The following PXDN variants were observed in gnomAD, a reference collection of about 807,000 sequenced individuals.
PXDN encodes peroxidasin homolog.
PXDN carries 77 observed loss-of-function variants against 140.3 expected under a neutral mutation model. The ratio of observed to expected loss-of-function variants is 0.55; its 90% CI spans 0.46 to 0.66. PXDN has a LOEUF of 0.66. Among genes scored for constraint, PXDN ranks in the 30% least tolerant of loss-of-function variants. PXDN has a pLI of 0.00. For synonymous variants in PXDN, 911 were observed against 857.4 expected, an observed-to-expected ratio of 1.06 and a Z score of -1.09; for missense variants, 1,838 against 2,039.5, an observed-to-expected ratio of 0.90 and a Z score of 1.90.
rs1228779459 is a variant in PXDN, at chr2:1,649,175, C to T, written c.2605G>A (p.Ala869Thr). Residue 869 changes from alanine to threonine, a missense_variant, in exon 17 of 23, where the codon GCC becomes ACC. Ala to Thr is a moderately conservative substitution (Grantham distance 58). This residue lies in a region of PXDN where 850 missense variants were observed against 894.1 expected (regional missense o/e 0.95). Coordinates refer to ENST00000252804, the MANE Select transcript of PXDN (RefSeq NM_012293.3). This position sits in a 1 kb window ranked among gnomAD's most constrained non-coding sequence, Gnocchi z 7.1. ...AACATGCAGCGGGCCCCGCTCCTGG[C>T]CCGGGAGTCATTGGGGGGGATCATG... ...SVMIPPNDSR[A>T]RSGARCMFFV... 1 of 1,611,986 alleles carries T rather than the reference C, an allele frequency of 6.2e-7. No homozygotes were observed. The highest frequency in any genetic ancestry group is 1.3e-5 in the African/African-American group (1 of 74,864).
intron 3 of PXDN, among the ~76,000 whole-genome samples, chr2:1,691,154 A>C (rs1469563074): frequency 6.6e-6 from 1 of 152,262 alleles, no homozygotes; most frequent in Non-Finnish European, 1.5e-5. Flanking sequence ...CATATGATAA[A>C]AATTTCCAAC....
At chr2:1,719,524 C>A (rs1266865231) in intron 1 of PXDN, among the ~76,000 whole-genome samples, 1 of 152,232 alleles carries the variant, frequency 6.6e-6, no homozygotes, top group Non-Finnish European at 1.5e-5. Context: ...CTCCCTAGCA[C>A]CCCTGTGCCT....
intron 1 of PXDN, among the ~76,000 whole-genome samples, chr2:1,701,866 C>T (rs376419814): frequency 3.3e-5 from 5 of 152,264 alleles, no homozygotes; most frequent in African/African-American, 1.2e-4. Context: ...GTCCTGTCCA[C>T]AATGTGAGAG....
chr2:1,648,074 CA>C lies in PXDN; in HGVS notation c.3608+97del. 7 of 1,477,242 alleles carry C rather than the reference CA, an allele frequency of 4.7e-6. No individual in the cohort carries two copies. Among genetic ancestry groups the C allele is most frequent in the Non-Finnish European group, 6.4e-6 (7 of 1,086,836 alleles). The allele number at this position is 1,477,242 out of a possible 1,614,324, so 91.5% of individuals were successfully genotyped here. A position where few individuals can be genotyped will look rare whatever the true frequency, so the allele number is the denominator to read the frequency against. Reference sequence around the variant, plus strand: ...TCATCTCACCTCTGCACGACACGAACAAAACTCACACACAGAGACAAATAAC... The same window carrying C: ...TCATCTCACCTCTGCACGACACGAACAAACTCACACACAGAGACAAATAAC... On this transcript the variant is annotated intron_variant, in intron 17 of 22. Transcript: ENST00000252804. This position sits in a 1 kb window ranked among gnomAD's most constrained non-coding sequence, Gnocchi z 8.9.
chr2:1,713,976 C>T (rs756181245), intron 1 of PXDN, among the ~76,000 whole-genome samples: 1 of 152,218 alleles, frequency 6.6e-6, no homozygotes, highest in African/African-American at 2.4e-5. Flanking sequence ...GGGCCAGGCA[C>T]GTGGGTCTCA....
chr2:1,715,927 C>T (rs1684884100), intron 1 of PXDN, among the ~76,000 whole-genome samples: 1 of 152,206 alleles, frequency 6.6e-6, no homozygotes, highest in Admixed American at 6.5e-5. Context: ...GTGCGTATGA[C>T]ACAGACATAG....
At chr2:1,720,189 C>G (rs1224697632) in intron 1 of PXDN, among the ~76,000 whole-genome samples, 2 of 7,852 alleles carry the variant, frequency 2.5e-4, no homozygotes, top group Admixed American at 2.3e-3. Context: ...GAGAGATGCA[C>G]AGAGAGAGGG....
At chr2:1,715,134 A>T (rs553903000) in intron 1 of PXDN, among the ~76,000 whole-genome samples, 1 of 152,288 alleles carries the variant, frequency 6.6e-6, no homozygotes, top group African/African-American at 2.4e-5. Flanking sequence ...CCTGCCTTCC[A>T]GTCAGAAAAA....
Position 1,665,000 on chromosome 2 carries a change from C to T in PXDN, c.1366G>A (p.Ala456Thr), listed in dbSNP as rs749386326. The change falls in exon 11 of 23, where the codon GCC becomes ACC. Residue 456 changes from alanine (A) to threonine (T), a missense_variant. Ala to Thr is a moderately conservative substitution (Grantham distance 58, BLOSUM62 0). This residue lies in a region of PXDN where 537 missense variants were observed against 583.9 expected (regional missense o/e 0.92). Transcript: ENST00000252804. ...EGQTVDFQCE[A>T]KGNPPPVIAW... Reference sequence around the variant, plus strand: ...ATGACGGGCGGCGGGTTGCCCTTGGCTTCACACTGGAAATCCACGGTCTGG... The same window carrying T: ...ATGACGGGCGGCGGGTTGCCCTTGGTTTCACACTGGAAATCCACGGTCTGG... 6.8e-6 allele frequency: 11 copies of T among 1,611,116 alleles called. No individual in the cohort carries two copies. In the South Asian group the frequency reaches 1.1e-4, roughly 16 times the overall value.
At chr2:1,713,589 C>T (rs1175471896) in intron 1 of PXDN, among the ~76,000 whole-genome samples, 1 of 152,224 alleles carries the variant, frequency 6.6e-6, no homozygotes, top group African/African-American at 2.4e-5. Flanking sequence ...GAGGCTGTCT[C>T]CCTCATAGCC....
chr2:1,684,397 C>A (rs1045660867), intron 4 of PXDN, among the ~76,000 whole-genome samples: 7 of 152,346 alleles, frequency 4.6e-5, no homozygotes, highest in African/African-American at 1.7e-4. Context: ...GAGGTGCTCA[C>A]TGAGGTCCTT....
intron 22 of PXDN, among the ~76,000 whole-genome samples, chr2:1,635,166 G>A (rs1007261090): frequency 6.8e-6 from 1 of 147,778 alleles, no homozygotes; most frequent in African/African-American, 2.5e-5. Context: ...CACAGAGTAG[G>A]GGCTGCCCGC....
intron 1 of PXDN, among the ~76,000 whole-genome samples, chr2:1,724,842 G>A (rs1895691): frequency 0.057 from 8,608 of 152,172 alleles, 507 homozygotes; most frequent in East Asian, 0.3. Context: ...GGCTGTTTGG[G>A]GTCATTTGTG....
chr2:1,716,727 G>A (rs944045502), intron 1 of PXDN, among the ~76,000 whole-genome samples: 1 of 152,116 alleles, frequency 6.6e-6, no homozygotes, highest in Non-Finnish European at 1.5e-5. Flanking sequence ...TGCCCTGGTG[G>A]TACCTCTCAC....
chr2:1,742,078 C>A (rs1558535541), intron 1 of PXDN, among the ~76,000 whole-genome samples: 1 of 152,222 alleles, frequency 6.6e-6, no homozygotes, highest in Non-Finnish European at 1.5e-5. Flanking sequence ...AGACACGGGA[C>A]TTGCTAAAAA....
intron 14 of PXDN, among the ~76,000 whole-genome samples, chr2:1,657,402 A>G (rs937448536): frequency 6.7e-6 from 1 of 149,492 alleles, no homozygotes; most frequent in African/African-American, 2.5e-5. Flanking sequence ...TCTTCTCCTG[A>G]AGGGGACCTG....
rs202094547 is a variant in PXDN, at chr2:1,638,927, T to A, written c.4125A>T (p.Thr1375=). 5 of 1,613,972 alleles carry A rather than the reference T, an allele frequency of 3.1e-6. No individual in the cohort carries two copies. The African/African-American group carries it at 6.7e-5, about 22-fold the overall frequency. The change falls in exon 21 of 23, where the codon ACA becomes ACT. Residue 1375 remains threonine, a synonymous_variant. Transcript: ENST00000252804. ...CATTTGTCCCAGATGCATCTGAGCG[T>A]GTGCTGAAGGCTGAGGTGCTGTTGC... is the stretch of plus-strand genomic sequence containing the variant. The part of the protein sequence containing the change: ...HLSNSTSAFS[T]RSDASGTNDF...
chr2:1,649,497 G>A lies in PXDN; in HGVS notation c.2283C>T (p.Thr761=), dbSNP rs201654539. Reference sequence around the variant, plus strand: ...CGGATTTCAGCAGGCGCTCGAAGGCGGTCAGCGAGGCGCCCCACATGGGGT... The same window carrying A: ...CGGATTTCAGCAGGCGCTCGAAGGCAGTCAGCGAGGCGCCCCACATGGGGT... ...LQHPMWGASL[T]AFERLLKSVY... Residue 761 remains threonine, a synonymous_variant, in exon 17 of 23, where the codon ACC becomes ACT. Transcript: ENST00000252804. This position sits in a 1 kb window ranked among gnomAD's most constrained non-coding sequence, Gnocchi z 7.1. 242 of 1,614,014 alleles carry A rather than the reference G, an allele frequency of 1.5e-4. No individual in the cohort carries two copies. In the African/African-American group the frequency reaches 2.9e-3, roughly 20 times the overall value.
At chr2:1,653,449 G>A in intron 16 of PXDN, 179 bp downstream of exon 16, 1 of 962,874 alleles carries the variant, frequency 1.0e-6, no homozygotes, top group Non-Finnish European at 1.6e-6. Flanking sequence ...AAACCAAAGT[G>A]AGAGCGACAG....
Sources: allele counts gnomAD v4.1 joint callset (sites outside exome capture counted in the v4.1 genomes callset), GRCh38; gene constraint gnomAD v4.1.1; regional missense constraint gnomAD v4.1.1; non-coding constraint Gnocchi (gnomAD v3.1); transcripts MANE v1.5; gene names NCBI Gene and HGNC (gene_info 2026-07-23, HGNC 2026-07-21).